TMEM50B: variants seen among roughly 807,000 people sequenced by gnomAD.
TMEM50B encodes transmembrane protein 50B.
Under a neutral mutation model 23.4 loss-of-function variants are expected in TMEM50B, and 14 were observed. The ratio of observed to expected loss-of-function variants is 0.60; its 90% CI spans 0.39 to 0.93. The LOEUF (loss-of-function observed/expected upper bound fraction) is 0.93. TMEM50B is among the 40% of genes least tolerant of loss of function. The pLI, the probability that TMEM50B is intolerant of heterozygous loss-of-function variation, is 0.00. For missense variants in TMEM50B, 159 were observed against 193.0 expected, an observed-to-expected ratio of 0.82 and a Z score of 1.04; for synonymous variants, 64 against 62.3, an observed-to-expected ratio of 1.03 and a Z score of -0.13.
At chr21:33,434,524 AAAAAT>A (rs556771351) in intron 8 of TMEM50B, among the ~76,000 whole-genome samples, 55 of 152,280 alleles carry the variant, frequency 3.6e-4, no homozygotes, top group African/African-American at 1.2e-3. Flanking sequence ...TCCATCTCAA[AAAAAT>A]AAAATAAATA....
downstream of TMEM50B, among the ~76,000 whole-genome samples, chr21:33,447,597 G>T (rs185746694): frequency 3.4e-4 from 51 of 151,272 alleles, no homozygotes; most frequent in Admixed American, 3.4e-3. Context: ...CAAATTATAT[G>T]GTTTGATATC....
downstream of TMEM50B, chr21:33,449,107 G>C (rs992634063): frequency 6.6e-6 from 1 of 152,032 alleles, no homozygotes; most frequent in Non-Finnish European, 1.5e-5. Context: ...CAATTTTTAT[G>C]GTTCATTTTC....
rs2084112285 is a variant in TMEM50B at position 33,450,786 on chromosome 21, A to G, written c.*32T>C. 1 of 1,597,316 alleles carries G rather than the reference A, an allele frequency of 6.3e-7. No individual in the cohort carries two copies. The highest frequency in any genetic ancestry group is 8.6e-7 in the Non-Finnish European group (1 of 1,169,494). On this transcript the variant is annotated 3_prime_UTR_variant, in exon 7 of 7. Coordinates refer to ENST00000542230, the MANE Select transcript of TMEM50B (RefSeq NM_006134.7). Reference sequence around the variant, plus strand: ...AAAAACCTATCTACAAACAGAATATAACAAAAGGAAAATGTGACTTAAGAA... The same window carrying G: ...AAAAACCTATCTACAAACAGAATATGACAAAAGGAAAATGTGACTTAAGAA...
rs1555882051 is a variant in TMEM50B, at chr21:33,433,801, T to TTA, written c.*2121-1000_*2121-999insTA. Among the ~76,000 whole-genome samples, 186 of 151,848 alleles carry TTA rather than the reference T, an allele frequency of 1.2e-3. 4 individuals carry two copies. The East Asian group carries it at 0.023, about 19-fold the overall frequency. ...TTACCACAATTTAATTTTTTTTTTT[T>TTA]AATGGCATGGGGTTGGCTAAAAAGG... is the stretch of plus-strand genomic sequence containing the variant. On this transcript the variant is annotated intron_variant and NMD_transcript_variant, in intron 8 of 8. Coordinates refer to the TMEM50B transcript ENST00000420455.
chr21:33,454,677 T>C (rs917897937), intron 6 of TMEM50B, among the ~76,000 whole-genome samples: 1 of 152,112 alleles, frequency 6.6e-6, no homozygotes. Flanking sequence ...ATTTTTTTTT[T>C]CCCGAAAGGC....
intron 5 of TMEM50B, among the ~76,000 whole-genome samples, chr21:33,458,128 A>G (rs928840001): frequency 6.6e-6 from 1 of 152,226 alleles, no homozygotes; most frequent in Non-Finnish European, 1.5e-5. Flanking sequence ...TAATTTATCT[A>G]AAGTTTTTCT....
downstream of TMEM50B, among the ~76,000 whole-genome samples, chr21:33,446,524 G>A (rs372250156): frequency 1.2e-3 from 184 of 150,842 alleles, no homozygotes; most frequent in Middle Eastern, 3.4e-3. Context: ...GGCGAGAGCC[G>A]CTGTGCCTGG....
Position 33,479,630 on chromosome 21 carries a change from CGGGCAG to C in TMEM50B, c.-42+202_-42+207del, listed in dbSNP as rs2084409005. ...CGGTCACGGTCGGCCCGAAGGGACG[CGGGCAG>C]GGGCAAGAAGGGGCGGCGGGGGCTC... is the stretch of plus-strand genomic sequence containing the variant. On this transcript the variant is annotated intron_variant, in intron 1 of 6. Transcript: ENST00000542230. 2.0e-5 allele frequency among the ~76,000 whole-genome samples: 3 copies of C among 152,274 alleles called. No individual in the cohort carries two copies. The South Asian group carries it at 6.2e-4, about 32-fold the overall frequency.
At chr21:33,446,233 ATT>A (rs371517472), downstream of TMEM50B, among the ~76,000 whole-genome samples, 13,808 of 142,070 alleles carry the variant, frequency 0.097, 849 homozygotes, top group East Asian at 0.26. Flanking sequence ...TATTTTTTTT[ATT>A]TTTTATTTTT....
At chr21:33,442,176 T>C (rs1369659020) in intron 7 of TMEM50B, among the ~76,000 whole-genome samples, 1 of 152,104 alleles carries the variant, frequency 6.6e-6, no homozygotes, top group Non-Finnish European at 1.5e-5. Context: ...GTCCTTCTGT[T>C]TGATGAGAAG....
rs184957329 is a variant in TMEM50B at position 33,478,966 on chromosome 21, C to A, written c.-42+872G>T. The A allele has an allele frequency of 1.4e-4, 52 of 363,908 alleles. No homozygotes were observed. The Middle Eastern group carries it at 2.2e-3, about 16-fold the overall frequency. 22.5% of individuals were successfully genotyped at this position (363,908 alleles called of 1,614,324 possible). ...TCTTACAGCGCGATGTAAGACGATG[C>A]GGATGCCACTTCCCTCCCACCCCGT... On this transcript the variant is annotated intron_variant, in intron 1 of 6. Coordinates refer to ENST00000542230, the MANE Select transcript of TMEM50B (RefSeq NM_006134.7).
chr21:33,464,797 T>A (rs1278785976), intron 4 of TMEM50B, among the ~76,000 whole-genome samples: 1 of 53,062 alleles, frequency 1.9e-5, no homozygotes, highest in Non-Finnish European at 3.7e-5. Context: ...AGAGCTAAAC[T>A]CCGTCTCAAA....
At chr21:33,479,679 A>G (rs1365013080) in intron 1 of TMEM50B, among the ~76,000 whole-genome samples, 159 bp downstream of exon 1, 1 of 152,180 alleles carries the variant, frequency 6.6e-6, no homozygotes, top group East Asian at 1.9e-4. Flanking sequence ...CCGAGTCTGC[A>G]GGCCGGCGCC....
intron 8 of TMEM50B, chr21:33,437,135 T>G: frequency 1.7e-6 from 1 of 602,344 alleles, no homozygotes; most frequent in Non-Finnish European, 2.9e-6. Context: ...GCTTTTTTTT[T>G]TTTTCTTAAA....
intron 5 of TMEM50B, among the ~76,000 whole-genome samples, chr21:33,458,492 C>T (rs997160668): frequency 3.3e-5 from 5 of 152,048 alleles, no homozygotes; most frequent in Non-Finnish European, 7.4e-5. Context: ...CCAGCCTGGG[C>T]GACAGAGCAA....
chr21:33,465,275 G>C, intron 4 of TMEM50B, 67 bp downstream of exon 4: 2 of 1,186,138 alleles, frequency 1.7e-6, no homozygotes, highest in Non-Finnish European at 2.5e-6. Flanking sequence ...ACTCACAAGA[G>C]AGGCTTTTTT....
chr21:33,458,500 C>G (rs1428974089), intron 5 of TMEM50B, among the ~76,000 whole-genome samples: 1 of 152,088 alleles, frequency 6.6e-6, no homozygotes. Flanking sequence ...GGCGACAGAG[C>G]AAGGTTCTGT....
downstream of TMEM50B, among the ~76,000 whole-genome samples, chr21:33,445,931 G>A (rs1243568249): frequency 1.3e-5 from 2 of 152,162 alleles, no homozygotes; most frequent in Non-Finnish European, 2.9e-5. Flanking sequence ...AAATGGCAGT[G>A]CCAGAATAAG....
intron 1 of TMEM50B, chr21:33,479,281 T>TCCCTTTCCCCTC (rs1386108475): frequency 6.4e-6 from 1 of 155,204 alleles, no homozygotes; most frequent in African/African-American, 2.4e-5. Flanking sequence ...TTGTTCCCCT[T>TCCCTTTCCCCTC]CCCTTTCCCC....
Sources: gnomAD v4.1 joint callset for allele counts (sites outside exome capture counted in the v4.1 genomes callset) on GRCh38, gnomAD v4.1.1 for gene constraint, MANE v1.5 for transcripts, NCBI Gene and HGNC (gene_info 2026-07-23, HGNC 2026-07-21) for gene names.